Variants in PGR observed in about 807,000 individuals in gnomAD.
The protein encoded by PGR is nuclear receptor subfamily 3 group C member 3.
A neutral mutation model predicts 76.1 loss-of-function variants in PGR; 25 were observed. The observed-to-expected ratio is 0.33, with a 90% CI of 0.24 to 0.46. The LOEUF is 0.46. PGR is among the 20% of genes least tolerant of loss of function. PGR has a pLI of 1.00. For missense variants in PGR, 1,172 were observed against 1,225.3 expected (o/e 0.96, Z 0.65); for synonymous variants, 579 against 535.0 (o/e 1.08, Z -1.14).
In PGR at chr11:101,037,892, G is replaced by T. The variant is rs754932939; in HGVS notation, c.*1224C>A. The T allele has an allele frequency of 9.2e-6, 2 of 216,520 alleles. No homozygotes were observed. The highest frequency in any genetic ancestry group is 1.9e-5 in the Non-Finnish European group (2 of 107,428). 13.4% of individuals were successfully genotyped at this position (216,520 alleles called of 1,614,324 possible). A position where few individuals can be genotyped will look rare whatever the true frequency, so the allele number is the denominator to read the frequency against. ...TTATATGGCTCCCAGACTCCCAGGA[G>T]AGTCACAATTGTAAAATAACATGCT... is the stretch of plus-strand genomic sequence containing the variant. On this transcript the variant is annotated 3_prime_UTR_variant, in exon 8 of 8. Transcript: ENST00000325455.
intron 3 of PGR, among the ~76,000 whole-genome samples, chr11:101,085,525 T>TAAAAAAAAAAAAAAAAAAAAAAAAC (rs1861465168): frequency 2.4e-5 from 1 of 42,276 alleles, no homozygotes; most frequent in Non-Finnish European, 3.9e-5. Context: ...CTAGAGGAAC[T>TAAAAAAAAAAAAAAAAAAAAAAAAC]AAAAAAAAAA....
intron 2 of PGR, among the ~76,000 whole-genome samples, chr11:101,125,184 G>A (rs1271738032): frequency 6.6e-6 from 1 of 152,174 alleles, no homozygotes; most frequent in Non-Finnish European, 1.5e-5. Flanking sequence ...ATCTTTCAAT[G>A]TATTTTTATC....
Position 101,030,248 on chromosome 11 carries a change from G to A in PGR, c.*8868C>T, listed in dbSNP as rs565395097. The A allele has an allele frequency of 1.5e-4, 33 of 222,820 alleles. No homozygotes were observed. Among genetic ancestry groups the A allele is most frequent in the Non-Finnish European group, 2.3e-4 (26 of 111,808 alleles). 13.8% of individuals were successfully genotyped at this position (222,820 alleles called of 1,614,324 possible). On this transcript the variant is annotated 3_prime_UTR_variant, in exon 8 of 8. Coordinates refer to ENST00000325455, the MANE Select transcript of PGR (RefSeq NM_000926.4). ...AACACTAGTTTTACTAATAAGCAAC[G>A]GGGTAGATAACTTTGAAGATTGCAT...
chr11:101,128,590 A>T lies in PGR; in HGVS notation c.481T>A (p.Leu161Met). The change falls in exon 1 of 8, where the codon TTG becomes ATG. Residue 161 changes from leucine (L) to methionine (M), a missense_variant. Physicochemically the swap from Leu to Met is conservative, Grantham distance 15. Around this residue, in one of 4 missense-constraint regions of PGR, gnomAD observed 893 missense variants for 785.9 expected, o/e 1.14. Coordinates refer to ENST00000325455, the MANE Select transcript of PGR (RefSeq NM_000926.4). The part of the protein sequence containing the change: ...PPAAPATQRV[L>M]SPLMSRSGCK... ...CCGGACCGGCTCATGAGCGGGGACA[A>T]CACCCGCTGGGTGGCGGGGGCAGCC... 6.3e-7 allele frequency: 1 copy of T among 1,594,574 alleles called. No homozygotes were observed. The highest frequency in any genetic ancestry group is 8.5e-7 in the Non-Finnish European group (1 of 1,173,066).
chr11:101,121,863 T>C (rs947563343), intron 2 of PGR, among the ~76,000 whole-genome samples: 3 of 152,076 alleles, frequency 2.0e-5, no homozygotes, highest in African/African-American at 4.8e-5. Flanking sequence ...ACAATTAATA[T>C]ATGAATAAAA....
chr11:101,097,514 C>T (rs1178155611), intron 2 of PGR, among the ~76,000 whole-genome samples: 1 of 152,162 alleles, frequency 6.6e-6, no homozygotes, highest in African/African-American at 2.4e-5. Flanking sequence ...GTGTAAAATA[C>T]AGCTTGATAA....
chr11:101,117,193 T>C (rs1163138409), intron 2 of PGR, among the ~76,000 whole-genome samples: 1 of 152,180 alleles, frequency 6.6e-6, no homozygotes, highest in East Asian at 1.9e-4. Flanking sequence ...ATGGTCATTA[T>C]TTGTTATTCA....
At chr11:101,111,525 T>C (rs1187157341) in intron 2 of PGR, among the ~76,000 whole-genome samples, 2 of 152,320 alleles carry the variant, frequency 1.3e-5, no homozygotes, top group East Asian at 3.9e-4. Flanking sequence ...GGCTCCCCTC[T>C]GAGCCAAGCA....
Position 101,032,659 on chromosome 11 carries a change from C to A in PGR, c.*6457G>T, listed in dbSNP as rs1206541567. Reference sequence around the variant, plus strand: ...AAACTGCTTATAGATTGTGGCTTAGCTTTGACTTTTTTCAGGATGCCTCTG... The same window carrying A: ...AAACTGCTTATAGATTGTGGCTTAGATTTGACTTTTTTCAGGATGCCTCTG... On this transcript the variant is annotated 3_prime_UTR_variant, in exon 8 of 8. Transcript: ENST00000325455. The A allele has an allele frequency of 4.6e-6, 1 of 218,964 alleles. No homozygotes were observed. Among genetic ancestry groups the A allele is most frequent in the Non-Finnish European group, 9.2e-6 (1 of 109,034 alleles). The allele number at this position is 218,964 out of a possible 1,614,324, so 13.6% of individuals were successfully genotyped here.
chr11:101,115,575 C>T (rs1416714110), intron 2 of PGR, among the ~76,000 whole-genome samples: 1 of 152,118 alleles, frequency 6.6e-6, no homozygotes, highest in African/African-American at 2.4e-5. Context: ...AGTTCAAGAG[C>T]AACCTGGCCA....
chr11:101,058,548 A>G (rs2135405099), intron 4 of PGR, among the ~76,000 whole-genome samples: 1 of 152,362 alleles, frequency 6.6e-6, no homozygotes, highest in South Asian at 2.1e-4. Context: ...CAAAGAATAA[A>G]GTATGTCCTA....
chr11:101,033,185 C>G lies in PGR; in HGVS notation c.*5931G>C, dbSNP rs1859403583. The G allele has an allele frequency of 9.6e-6, 2 of 209,036 alleles. No homozygotes were observed. The highest frequency in any genetic ancestry group is 1.2e-4 in the Admixed American group (2 of 16,898). The allele number at this position is 209,036 out of a possible 1,614,324, so 12.9% of individuals were successfully genotyped here. ...ACTTTACTGGCTAAAGTGAAGAATTCTAAAGTCTGCCATGTGAAAATCTCT... is the reference window on the plus strand; with the variant it reads ...ACTTTACTGGCTAAAGTGAAGAATTGTAAAGTCTGCCATGTGAAAATCTCT... On this transcript the variant is annotated 3_prime_UTR_variant, in exon 8 of 8. Transcript: ENST00000325455.
rs143081901 is a variant in PGR, at chr11:101,041,314, C to T, written c.2646+631G>A. Among the ~76,000 whole-genome samples the T allele has an allele frequency of 3.3e-5, 5 of 152,148 alleles. No individual in the cohort carries two copies. The East Asian group carries it at 9.7e-4, about 29-fold the overall frequency. ...CACTGTCATTTTAATGTGATCTGAA[C>T]ATAGTAGCAATAAAAGCTTGTATTT... On this transcript the variant is annotated intron_variant, in intron 7 of 7. Coordinates refer to ENST00000325455, the MANE Select transcript of PGR (RefSeq NM_000926.4).
Position 101,032,181 on chromosome 11 carries a change from T to C in PGR, c.*6935A>G. On this transcript the variant is annotated 3_prime_UTR_variant, in exon 8 of 8. Transcript: ENST00000325455. ...CATCTCCTTTCGTCAGTCCTGTCAATGTTCCTATGTTATATCTTCCAAAAC... is the reference window on the plus strand; with the variant it reads ...CATCTCCTTTCGTCAGTCCTGTCAACGTTCCTATGTTATATCTTCCAAAAC... The C allele has an allele frequency of 4.3e-6, 1 of 232,970 alleles. No homozygotes were observed. The highest frequency in any genetic ancestry group is 6.1e-5 in the East Asian group (1 of 16,488). The allele number at this position is 232,970 out of a possible 1,614,324, so 14.4% of individuals were successfully genotyped here.
chr11:101,085,520 G>A (rs1386443616), intron 3 of PGR, among the ~76,000 whole-genome samples: 3 of 63,006 alleles, frequency 4.8e-5, no homozygotes, highest in African/African-American at 7.2e-5. Flanking sequence ...CACACCTAGA[G>A]GAACTAAAAA....
At chr11:101,069,609 C>G (rs1046265530) in intron 3 of PGR, among the ~76,000 whole-genome samples, 2 of 152,132 alleles carry the variant, frequency 1.3e-5, no homozygotes, top group African/African-American at 4.8e-5. Context: ...GGAGCCAACC[C>G]AAATCCTCAT....
exon 1 of PGR, chr11:101,129,799 TGACAGCTGTGGACTGGCCA>T (rs1179530272): frequency 5.7e-6 from 1 of 176,560 alleles, no homozygotes. Flanking sequence ...CCCCGATTAG[TGACAGCTGTGGACTGGCCA>T]GACAGCTTTC....
intron 4 of PGR, among the ~76,000 whole-genome samples, chr11:101,053,428 G>A (rs922389651): frequency 2.0e-5 from 3 of 152,114 alleles, no homozygotes; most frequent in African/African-American, 7.2e-5. Flanking sequence ...CATAATTAGA[G>A]ATGCCATAGT....
chr11:101,044,098 T>C (rs1859782631), intron 6 of PGR, among the ~76,000 whole-genome samples: 2 of 152,212 alleles, frequency 1.3e-5, no homozygotes, highest in African/African-American at 4.8e-5. Flanking sequence ...GCTATGAAAG[T>C]CCTAGATGAC....
Sources: allele counts gnomAD v4.1 joint callset (sites outside exome capture counted in the v4.1 genomes callset), GRCh38; gene constraint gnomAD v4.1.1; regional missense constraint gnomAD v4.1.1; transcripts MANE v1.5; gene names NCBI Gene and HGNC (gene_info 2026-07-23, HGNC 2026-07-21).